The following STK10 variants were observed in gnomAD, a reference collection of about 807,000 sequenced individuals.
The protein encoded by STK10 is serine/threonine-protein kinase 10.
In STK10, 78 loss-of-function variants were observed where a neutral mutation model predicts 113.8. The observed-to-expected ratio is 0.69, with a 90% CI of 0.57 to 0.83. The LOEUF (loss-of-function observed/expected upper bound fraction) is 0.83, where lower values mean the gene tolerates loss of function less well. Ranked by LOEUF, STK10 falls within the 40% of genes least tolerant of loss-of-function variation. The pLI, the probability that STK10 is intolerant of heterozygous loss-of-function variation, is 0.00. For missense variants in STK10, 1,109 were observed against 1,280.1 expected, an observed-to-expected ratio of 0.87 and a Z score of 2.04; for synonymous variants, 465 against 494.7, an observed-to-expected ratio of 0.94 and a Z score of 0.80.
intron 14 of STK10, among the ~76,000 whole-genome samples, 194 bp from the exon 15 acceptor site, chr5:172,057,667 G>A (rs767914042): frequency 5.3e-5 from 8 of 152,172 alleles, no homozygotes; most frequent in Non-Finnish European, 1.0e-4. Context: ...CTTCCTTTAA[G>A]CCTAAGGAAT....
At chr5:172,145,344 C>T (rs745812972) in intron 2 of STK10, among the ~76,000 whole-genome samples, 44 of 152,106 alleles carry the variant, frequency 2.9e-4, no homozygotes, top group Non-Finnish European at 4.7e-4. Context: ...GGGAAAAGCA[C>T]ACCAGCTGTT....
chr5:172,185,559 G>A (rs1310426052), intron 1 of STK10, among the ~76,000 whole-genome samples: 4 of 152,168 alleles, frequency 2.6e-5, no homozygotes, highest in Admixed American at 1.3e-4. Flanking sequence ...GAGCCACCAC[G>A]CCCGGCCCAA....
intron 17 of STK10, chr5:172,053,293 T>G: frequency 2.4e-6 from 1 of 414,912 alleles, no homozygotes; most frequent in South Asian, 2.8e-5. Context: ...ATTTGCAACT[T>G]TCTGTGAGGA....
chr5:172,126,178 G>T (rs918752296), intron 3 of STK10, among the ~76,000 whole-genome samples: 3 of 152,214 alleles, frequency 2.0e-5, no homozygotes, highest in African/African-American at 7.2e-5. Context: ...GGATGCTGCA[G>T]GATGGGCCAT....
intron 7 of STK10, among the ~76,000 whole-genome samples, chr5:172,101,470 C>CCA (rs1459056984): frequency 1.0e-3 from 74 of 72,630 alleles, no homozygotes; most frequent in African/African-American, 2.5e-3. Context: ...ACTCCGTCTC[C>CCA]AAAAAAAAAA....
chr5:172,098,975 C>T (rs1296492465), intron 7 of STK10, among the ~76,000 whole-genome samples: 1 of 151,556 alleles, frequency 6.6e-6, no homozygotes, highest in Admixed American at 6.6e-5. Context: ...ACCATCACCA[C>T]CATCATTACC....
chr5:172,089,434 ATGG>A (rs1768641652), intron 10 of STK10, among the ~76,000 whole-genome samples: 1 of 150,262 alleles, frequency 6.7e-6, no homozygotes, highest in Non-Finnish European at 1.5e-5. Flanking sequence ...GGATGGATGG[ATGG>A]ATGGATGGAT....
At chr5:172,112,978 C>T (rs1274536359) in intron 4 of STK10, among the ~76,000 whole-genome samples, 1 of 151,384 alleles carries the variant, frequency 6.6e-6, no homozygotes, top group East Asian at 2.0e-4. Flanking sequence ...AAAATCCCGA[C>T]CTCAGGTGAT....
chr5:172,114,151 C>T (rs147874430), intron 4 of STK10, among the ~76,000 whole-genome samples: 40 of 151,942 alleles, frequency 2.6e-4, no homozygotes, highest in African/African-American at 9.4e-4. Context: ...CTATCTGATC[C>T]GACTTTTCTG....
intron 7 of STK10, 128 bp from the exon 8 acceptor site, chr5:172,096,688 T>C: frequency 7.7e-7 from 1 of 1,295,062 alleles, no homozygotes; most frequent in Non-Finnish European, 1.1e-6. Flanking sequence ...GCACATGAAC[T>C]TGGAGACCCA....
intron 12 of STK10, among the ~76,000 whole-genome samples, chr5:172,075,120 T>C (rs1019314980): frequency 1.3e-5 from 2 of 148,556 alleles, no homozygotes; most frequent in Non-Finnish European, 3.0e-5. Context: ...TATTGAGCCA[T>C]GATTGTACCA....
intron 18 of STK10, among the ~76,000 whole-genome samples, chr5:172,047,098 G>T (rs1767508826): frequency 1.3e-5 from 2 of 152,196 alleles, no homozygotes; most frequent in South Asian, 4.1e-4. Context: ...CAAGGCAGGG[G>T]GTTCACAGGC....
chr5:172,085,417 G>A lies in STK10; in HGVS notation c.1686-2333C>T, dbSNP rs146170493. 4.1e-4 allele frequency among the ~76,000 whole-genome samples: 63 copies of A among 152,082 alleles called. 1 individual carries two copies. The highest frequency in any genetic ancestry group is 1.1e-3 in the African/African-American group (47 of 41,508). ...AAAAATTGCTATGTAGGCCGGGCGC[G>A]GTGGCTCACACCTGTAATCCCAGCA... On this transcript the variant is annotated intron_variant, in intron 10 of 18. Transcript: ENST00000176763.
At chr5:172,066,433 C>G (rs1768070745) in intron 12 of STK10, among the ~76,000 whole-genome samples, 1 of 152,070 alleles carries the variant, frequency 6.6e-6, no homozygotes, top group South Asian at 2.1e-4. Context: ...GTGTTTCTGG[C>G]CAGAGAACCA....
intron 10 of STK10, among the ~76,000 whole-genome samples, chr5:172,087,927 C>CTTTCATTTTTTACAATTTATTTT (rs1768608689): frequency 7.4e-6 from 1 of 135,622 alleles, no homozygotes; most frequent in African/African-American, 3.0e-5. Context: ...CGCGCCCGGC[C>CTTTCATTTTTTACAATTTATTTT]TTAAATTTAT....
rs577312824 is a variant in STK10, at chr5:172,053,902, C to G, written c.2652+667G>C. 2.0e-5 allele frequency among the ~76,000 whole-genome samples: 3 copies of G among 152,274 alleles called. No homozygotes were observed. The South Asian group carries it at 6.2e-4, about 32-fold the overall frequency. ...TGCTCACACTGAGGCAGGGATCACC[C>G]GAGGCAGGGATAGGAAAACGGATGC... is the stretch of plus-strand genomic sequence containing the variant. On this transcript the variant is annotated intron_variant, in intron 17 of 18. Coordinates refer to ENST00000176763, the MANE Select transcript of STK10 (RefSeq NM_005990.4).
chr5:172,079,226 CTCCTGCT>C (rs1768377276), intron 12 of STK10, among the ~76,000 whole-genome samples: 1 of 152,188 alleles, frequency 6.6e-6, no homozygotes, highest in Non-Finnish European at 1.5e-5. Context: ...GCTTCCTAAG[CTCCTGCT>C]ACATGGATGG....
intron 2 of STK10, among the ~76,000 whole-genome samples, chr5:172,141,279 A>G (rs1429028341): frequency 2.0e-5 from 3 of 152,222 alleles, no homozygotes; most frequent in African/African-American, 7.2e-5. Context: ...TCTTATCACA[A>G]GAAAATACAA....
Position 172,117,598 on chromosome 5 carries a change from G to A in STK10, c.403C>T (p.Gln135Ter). The A allele has an allele frequency of 6.2e-7, 1 of 1,614,078 alleles. No individual in the cohort carries two copies. The highest frequency in any genetic ancestry group is 8.5e-7 in the Non-Finnish European group (1 of 1,180,050). The change falls in exon 4 of 19, where the codon CAG becomes TAG. Residue 135 changes from glutamine to a stop codon, truncating the protein, a stop_gained. Transcript: ENST00000176763. LOFTEE classifies it high-confidence loss of function. ...TCTAGCATCTGGCGGCAAACCACCT[G>A]TATCTGGGGCTCCGTGAGGCCTCTG... ...LDRGLTEPQI[Q>*]VVCRQMLEAL... is the part of the protein sequence containing the mutation.
Sources: gnomAD v4.1 joint callset for allele counts (sites outside exome capture counted in the v4.1 genomes callset) on GRCh38, gnomAD v4.1.1 for gene constraint, MANE v1.5 for transcripts, NCBI Gene and HGNC (gene_info 2026-07-23, HGNC 2026-07-21) for gene names.